The following ZFHX3 variants were observed in gnomAD, a reference collection of about 807,000 sequenced individuals.
ZFHX3 encodes zinc finger homeobox 3.
A neutral mutation model predicts 279.1 loss-of-function variants in ZFHX3; 42 were observed. The ratio of observed to expected loss-of-function variants is 0.15; its 90% CI spans 0.12 to 0.19. The LOEUF (loss-of-function observed/expected upper bound fraction) is 0.19, where lower values mean the gene tolerates loss of function less well. ZFHX3 is among the 10% of genes least tolerant of loss of function. The pLI is 1.00. For missense variants in ZFHX3, 4,981 were observed against 4,754.0 expected (o/e 1.05, Z -1.40); for synonymous variants, 2,293 against 1,957.8 (o/e 1.17, Z -4.52).
intron 2 of ZFHX3, among the ~76,000 whole-genome samples, chr16:73,575,368 G>A (rs967674593): frequency 2.0e-5 from 3 of 152,138 alleles, no homozygotes; most frequent in African/African-American, 4.8e-5. Flanking sequence ...CCTGTTCCGG[G>A]CACATGATGT....
intron 1 of ZFHX3, among the ~76,000 whole-genome samples, chr16:73,787,146 G>A (rs1463500447): frequency 6.6e-6 from 1 of 152,120 alleles, no homozygotes; most frequent in Admixed American, 6.6e-5. Flanking sequence ...ATGTGTTCAA[G>A]CTGCCATGTT....
chr16:73,254,312 C>T (rs565305023), intron 5 of ZFHX3, among the ~76,000 whole-genome samples: 21 of 152,208 alleles, frequency 1.4e-4, no homozygotes, highest in Non-Finnish European at 2.8e-4. Context: ...CTGCCCACTC[C>T]AGCGCCCTTT....
At chr16:73,189,578 G>A (rs1967984215) in intron 5 of ZFHX3, among the ~76,000 whole-genome samples, 1 of 152,172 alleles carries the variant, frequency 6.6e-6, no homozygotes, top group Admixed American at 6.5e-5. Context: ...GGTTAGTTTT[G>A]GAAGCAGTGA....
intron 1 of ZFHX3, among the ~76,000 whole-genome samples, chr16:72,972,621 G>T (rs186748390): frequency 1.0e-3 from 154 of 152,228 alleles, no homozygotes; most frequent in Middle Eastern, 6.8e-3. Flanking sequence ...TATCTGCTCC[G>T]GGAGGGTGGG....
At chr16:73,295,401 G>A (rs56391798) in intron 4 of ZFHX3, among the ~76,000 whole-genome samples, 10,826 of 152,248 alleles carry the variant, frequency 0.071, 501 homozygotes, top group South Asian at 0.21. Flanking sequence ...TTGCTGGTTT[G>A]GAAAGAGTAT....
intron 2 of ZFHX3, among the ~76,000 whole-genome samples, chr16:73,527,102 G>T (rs2019709143): frequency 6.6e-6 from 1 of 152,054 alleles, no homozygotes; most frequent in Admixed American, 6.6e-5. Context: ...GATCCCATTG[G>T]AAAAGCAATC....
chr16:73,030,941 T>C (rs1242102391), intron 1 of ZFHX3, among the ~76,000 whole-genome samples: 4 of 152,226 alleles, frequency 2.6e-5, no homozygotes, highest in Middle Eastern at 3.4e-3. Context: ...GGTTCAGCCA[T>C]ACTCGTCCAA....
chr16:73,699,881 T>C (rs4888629), intron 1 of ZFHX3, among the ~76,000 whole-genome samples: 137,472 of 152,100 alleles, frequency 0.9, 62,773 homozygotes, highest in Non-Finnish European at 0.97. Context: ...TTGGGGTTCA[T>C]ATTAAAATGA....
At chr16:73,093,501 A>G (rs750082336) in exon 8 of ZFHX3, 4 of 503,494 alleles carry the variant, frequency 7.9e-6, no homozygotes, top group African/African-American at 3.9e-5. Flanking sequence ...GAAGAGATGG[A>G]GTCATAGCTG....
rs1223262815 is a variant in ZFHX3, at chr16:72,795,276, T to G, written c.7406A>C (p.Gln2469Pro). The G allele has an allele frequency of 6.2e-7, 1 of 1,613,400 alleles. No individual in the cohort carries two copies. The highest frequency in any genetic ancestry group is 1.3e-5 in the African/African-American group (1 of 74,938). ...CAGGGACACCAGCTGGGGGAGCTTC[T>G]GCTGGGGAGTGTTGGTCTTCTGCTC... is the stretch of plus-strand genomic sequence containing the variant. ...QPEQKTNTPQ[Q>P]KLPQLVSLPS... Residue 2469 changes from glutamine (Q) to proline (P), a missense_variant, in exon 9 of 10, where the codon CAG becomes CCG. Transcript: ENST00000268489.
intron 1 of ZFHX3, among the ~76,000 whole-genome samples, chr16:73,858,460 C>T (rs946531758): frequency 6.6e-6 from 1 of 152,156 alleles, no homozygotes; most frequent in Non-Finnish European, 1.5e-5. Context: ...ACTACATTTG[C>T]CATTTTGAAA....
In ZFHX3 at chr16:72,813,861, C is replaced by G. The variant is rs562174042; in HGVS notation, c.3530-1823G>C. On this transcript the variant is annotated intron_variant, in intron 5 of 9. Transcript: ENST00000268489. ...TCTCCTGGCCCCGCTCAGACCTGAT[C>G]CTATGGAACGTCGCGTTGCAGGTTT... 2.0e-5 allele frequency among the ~76,000 whole-genome samples: 3 copies of G among 152,308 alleles called. No homozygotes were observed. The South Asian group carries it at 6.2e-4, about 32-fold the overall frequency.
At chr16:73,308,201 G>T (rs2015226956) in intron 4 of ZFHX3, among the ~76,000 whole-genome samples, 1 of 142,424 alleles carries the variant, frequency 7.0e-6, no homozygotes, top group Admixed American at 7.3e-5. Flanking sequence ...AGTTTAGATT[G>T]AGTTATCTGA....
intron 3 of ZFHX3, among the ~76,000 whole-genome samples, chr16:73,405,349 A>C (rs960641987): frequency 6.6e-6 from 1 of 152,090 alleles, no homozygotes; most frequent in Non-Finnish European, 1.5e-5. Flanking sequence ...ATCCTGGCTG[A>C]TTTTTCTTTT....
rs2020243926 is a variant in ZFHX3, at chr16:73,554,350, A to G, written c.-1546-98092T>C. 2.6e-5 allele frequency: 4 copies of G among 152,354 alleles called. No homozygotes were observed. The South Asian group carries it at 8.3e-4, about 32-fold the overall frequency. 9.4% of individuals were successfully genotyped at this position (152,354 alleles called of 1,614,324 possible). ...GCCATTTCTTTACTCTGGATGGTTAAGAAAAAGCCAGGAATAACATGACAA... is the reference window on the plus strand; with the variant it reads ...GCCATTTCTTTACTCTGGATGGTTAGGAAAAAGCCAGGAATAACATGACAA... On this transcript the variant is annotated intron_variant, in intron 2 of 17. Transcript: ENST00000641206.
intron 4 of ZFHX3, among the ~76,000 whole-genome samples, chr16:73,266,920 T>A (rs550610361): frequency 6.6e-6 from 1 of 152,314 alleles, no homozygotes; most frequent in East Asian, 1.9e-4. Flanking sequence ...CAGTTTTGCG[T>A]ATGTCTTTAT....
intron 3 of ZFHX3, among the ~76,000 whole-genome samples, chr16:73,435,772 C>T (rs1257834780): frequency 1.3e-5 from 2 of 152,178 alleles, no homozygotes; most frequent in African/African-American, 4.8e-5. Context: ...TGAGTTGGGG[C>T]TCACAGGTAC....
At chr16:73,160,772 C>CTTTT (rs200196890) in intron 5 of ZFHX3, among the ~76,000 whole-genome samples, 1 of 127,968 alleles carries the variant, frequency 7.8e-6, no homozygotes, top group African/African-American at 2.8e-5. Context: ...CTTTTCTCTT[C>CTTTT]TTTTTTTTTT....
chr16:73,045,640 C>CATT (rs10602067), intron 1 of ZFHX3, among the ~76,000 whole-genome samples: 27,728 of 142,784 alleles, frequency 0.19, 3,025 homozygotes, highest in South Asian at 0.28. Context: ...CATGGATTTA[C>CATT]ATTATTATTA....
Sources: allele counts gnomAD v4.1 joint callset (sites outside exome capture counted in the v4.1 genomes callset), GRCh38; gene constraint gnomAD v4.1.1; transcripts MANE v1.5; gene names NCBI Gene and HGNC (gene_info 2026-07-23, HGNC 2026-07-21).